The following GLI3 variants were observed in gnomAD, a reference collection of about 807,000 sequenced individuals.
GLI3 encodes transcription activator GLI3.
GLI3 carries 20 observed loss-of-function variants against 100.8 expected under a neutral mutation model. The ratio of observed to expected loss-of-function variants is 0.20; its 90% CI spans 0.14 to 0.29. GLI3 has a LOEUF of 0.29. Ranked by LOEUF, GLI3 falls within the 10% of genes least tolerant of loss-of-function variation. GLI3 has a pLI of 1.00. For missense variants in GLI3, 2,040 were observed against 2,128.5 expected, an observed-to-expected ratio of 0.96 and a Z score of 0.82; for synonymous variants, 938 against 860.5, an observed-to-expected ratio of 1.09 and a Z score of -1.58.
chr7:42,065,425 C>T (rs1028902011), intron 4 of GLI3, among the ~76,000 whole-genome samples: 3 of 151,926 alleles, frequency 2.0e-5, no homozygotes, highest in Non-Finnish European at 1.5e-5. Flanking sequence ...TTTTGTCAAG[C>T]TATATCACAA....
At chr7:42,104,174 T>C (rs1197000166) in intron 3 of GLI3, among the ~76,000 whole-genome samples, 1 of 152,184 alleles carries the variant, frequency 6.6e-6, no homozygotes, top group Non-Finnish European at 1.5e-5. Flanking sequence ...TAGGAATCTA[T>C]CATCTTCAGT....
intron 4 of GLI3, among the ~76,000 whole-genome samples, chr7:42,051,602 C>T (rs1784353663): frequency 1.3e-5 from 2 of 152,152 alleles, no homozygotes; most frequent in Non-Finnish European, 2.9e-5. Context: ...AACATATATA[C>T]ATGCATAGTA....
In GLI3 at chr7:42,071,290, C is replaced by T. The variant is rs554751111; in HGVS notation, c.473+5462G>A. Among the ~76,000 whole-genome samples, 3 of 152,116 alleles carry T rather than the reference C, an allele frequency of 2.0e-5. No homozygotes were observed. In the South Asian group the frequency reaches 6.2e-4, roughly 32 times the overall value. Reference sequence around the variant, plus strand: ...CTTTGCAATTTGATATGTCATTACACTTTACCAGTCTTAATAATGTTATGG... The same window carrying T: ...CTTTGCAATTTGATATGTCATTACATTTTACCAGTCTTAATAATGTTATGG... On this transcript the variant is annotated intron_variant, in intron 4 of 14. Transcript: ENST00000395925.
chr7:42,155,371 G>A (rs549277357), intron 2 of GLI3, among the ~76,000 whole-genome samples: 60 of 151,812 alleles, frequency 4.0e-4, no homozygotes, highest in African/African-American at 1.3e-3. Flanking sequence ...CCCAGGAGGC[G>A]GAGGTTGCAG....
At chr7:42,187,864 G>T (rs989856643) in intron 2 of GLI3, among the ~76,000 whole-genome samples, 1 of 151,824 alleles carries the variant, frequency 6.6e-6, no homozygotes, top group African/African-American at 2.4e-5. Context: ...TTAGCTGGGC[G>T]TGGTGACAGG....
chr7:42,179,976 G>A (rs1239557370), intron 2 of GLI3, among the ~76,000 whole-genome samples: 1 of 152,214 alleles, frequency 6.6e-6, no homozygotes, highest in Non-Finnish European at 1.5e-5. Context: ...AGCAGGGCTG[G>A]AAGAATGAAT....
At chr7:42,245,504 C>G (rs1788961591) in intron 1 of GLI3, among the ~76,000 whole-genome samples, 1 of 151,972 alleles carries the variant, frequency 6.6e-6, no homozygotes, top group South Asian at 2.1e-4. Flanking sequence ...ACAGTGAAAC[C>G]CTGCCTGTAC....
rs1398402960 is a variant in GLI3, at chr7:41,963,545, T to C, written c.*785A>G. ...CTGCAGTGCGAAACAGCACTGAATG[T>C]TCATGAAGGTAGTGGGAGGAGAGGC... On this transcript the variant is annotated 3_prime_UTR_variant, in exon 15 of 15. Coordinates refer to ENST00000395925, the MANE Select transcript of GLI3 (RefSeq NM_000168.6). 6.6e-6 allele frequency: 1 copy of C among 152,246 alleles called. No individual in the cohort carries two copies. Among genetic ancestry groups the C allele is most frequent in the Non-Finnish European group, 1.5e-5 (1 of 68,076 alleles). The allele number at this position is 152,246 out of a possible 1,614,324, so 9.4% of individuals were successfully genotyped here. A position where few individuals can be genotyped will look rare whatever the true frequency, so the allele number is the denominator to read the frequency against.
rs1313938756 is a variant in GLI3 at position 42,092,262 on chromosome 7, T to C, written c.368-15405A>G. Reference sequence around the variant, plus strand: ...CTGAGAAAACACCAAAGCGAGCAGCTACACCTCCCCTACCCCGGTGAAAAT... The same window carrying C: ...CTGAGAAAACACCAAAGCGAGCAGCCACACCTCCCCTACCCCGGTGAAAAT... On this transcript the variant is annotated intron_variant, in intron 3 of 14. Coordinates refer to ENST00000395925, the MANE Select transcript of GLI3 (RefSeq NM_000168.6). Among the ~76,000 whole-genome samples the C allele has an allele frequency of 3.3e-5, 5 of 152,170 alleles. No individual in the cohort carries two copies. In the East Asian group the frequency reaches 9.6e-4, roughly 29 times the overall value.
At chr7:41,977,919 CAG>C in intron 11 of GLI3, 197 bp from the exon 12 acceptor site, 1 of 613,434 alleles carries the variant, frequency 1.6e-6, no homozygotes, top group Admixed American at 2.8e-5. Flanking sequence ...AAAGAGTTTT[CAG>C]TGCCAGTAAA....
chr7:41,977,502 C>G lies in GLI3; in HGVS notation c.1812+56G>C, dbSNP rs1197296095. On this transcript the variant is annotated intron_variant, in intron 12 of 14. Transcript: ENST00000395925. ...ACACTGCGCCTTCCCATGTGCCTTCCCCGGGATAGTTCTTTGTTTCCTTAT... is the reference window on the plus strand; with the variant it reads ...ACACTGCGCCTTCCCATGTGCCTTCGCCGGGATAGTTCTTTGTTTCCTTAT... 2.5e-6 allele frequency: 4 copies of G among 1,574,054 alleles called. No homozygotes were observed. In the African/African-American group the frequency reaches 5.4e-5, roughly 21 times the overall value.
At chr7:42,104,324 T>C (rs1785529244) in intron 3 of GLI3, among the ~76,000 whole-genome samples, 1 of 152,202 alleles carries the variant, frequency 6.6e-6, no homozygotes, top group Admixed American at 6.5e-5. Context: ...TTCAGTCTCC[T>C]GTGAAGACGC....
At chr7:42,134,136 T>A (rs1056811050) in intron 3 of GLI3, among the ~76,000 whole-genome samples, 1 of 150,244 alleles carries the variant, frequency 6.7e-6, no homozygotes, top group Non-Finnish European at 1.5e-5. Flanking sequence ...AAAAAGGAAC[T>A]CTAAGGTGGG....
At chr7:42,100,328 A>C (rs1482172850) in intron 3 of GLI3, among the ~76,000 whole-genome samples, 1 of 152,196 alleles carries the variant, frequency 6.6e-6, no homozygotes, top group Non-Finnish European at 1.5e-5. Flanking sequence ...TGAAACCCTC[A>C]CATCTGGTAT....
Position 41,968,750 on chromosome 7 carries a change from A to AGG in GLI3, c.2104-828_2104-827insCC, listed in dbSNP as rs1562662021. 3.1e-3 allele frequency among the ~76,000 whole-genome samples: 425 copies of AGG among 136,572 alleles called. 6 individuals are homozygous for AGG. The highest frequency in any genetic ancestry group is 0.023 in the Admixed American group (323 of 14,212). 89.6% of individuals were successfully genotyped at this position (136,572 alleles called of 152,430 possible). A position where few individuals can be genotyped will look rare whatever the true frequency, so the allele number is the denominator to read the frequency against. On this transcript the variant is annotated intron_variant, in intron 13 of 14. Transcript: ENST00000395925. ...AAAGAAAGAAAGAAAGAAAGAAAGA[A>AGG]AGAAAGAAAGAAGGAAAGAAAGAAA...
chr7:42,170,434 G>A (rs1414036993), intron 2 of GLI3, among the ~76,000 whole-genome samples: 6 of 110,572 alleles, frequency 5.4e-5, no homozygotes, highest in African/African-American at 1.8e-4. Flanking sequence ...ACAGTGTCTC[G>A]CTCTGTCGCC....
chr7:42,214,980 G>A (rs1158209176), intron 2 of GLI3, among the ~76,000 whole-genome samples: 1 of 151,704 alleles, frequency 6.6e-6, no homozygotes, highest in Non-Finnish European at 1.5e-5. Flanking sequence ...TTAAATAGAA[G>A]AAAGAAACTA....
chr7:42,119,489 A>G (rs965198158), intron 3 of GLI3, among the ~76,000 whole-genome samples: 1 of 152,174 alleles, frequency 6.6e-6, no homozygotes, highest in Non-Finnish European at 1.5e-5. Flanking sequence ...TTCTTAAAGT[A>G]AGTGCTGGGG....
At chr7:42,057,772 A>C (rs1303095939) in intron 4 of GLI3, among the ~76,000 whole-genome samples, 1 of 152,210 alleles carries the variant, frequency 6.6e-6, no homozygotes, top group South Asian at 2.1e-4. Context: ...GAAGTAACTC[A>C]AGAATGGAAA....
Sources: allele counts gnomAD v4.1 joint callset (sites outside exome capture counted in the v4.1 genomes callset), GRCh38; gene constraint gnomAD v4.1.1; transcripts MANE v1.5; gene names NCBI Gene and HGNC (gene_info 2026-07-23, HGNC 2026-07-21).